POC1A: variants seen among roughly 807,000 people sequenced by gnomAD.
POC1A encodes POC1 centriolar protein homolog A.
In POC1A, 34 loss-of-function variants were observed where a neutral mutation model predicts 47.8. The ratio of observed to expected loss-of-function variants is 0.71; its 90% CI spans 0.54 to 0.95. The LOEUF is 0.95. Among genes scored for constraint, POC1A ranks in the 40% least tolerant of loss-of-function variants. The probability of loss-of-function intolerance (pLI) is 0.00; values close to 1 mark genes in which losing one functional copy is unlikely to be tolerated. For synonymous variants in POC1A, 177 were observed against 207.6 expected (o/e 0.85, Z 1.27); for missense variants, 466 against 528.3 (o/e 0.88, Z 1.16).
At position 52,096,580 on chromosome 3, in the gene POC1A, C is replaced by T. The variant is rs1349654392; in HGVS notation, c.1114G>A (p.Val372Ile). The change falls in exon 10 of 11, where the codon GTC becomes ATC. Residue 372 changes from valine (V) to isoleucine (I), a missense_variant. Coordinates refer to ENST00000296484, the MANE Select transcript of POC1A (RefSeq NM_015426.5). ...TLEHIVGQLDVLTQTVSILEQ... is the reference protein window; with the variant it reads ...TLEHIVGQLDILTQTVSILEQ... ...ACAGTGTGGCCTACCTGAGTGAGGA[C>T]ATCCAGCTGGCCCACAATGTGCTCC... 2 of 1,581,548 alleles carry T rather than the reference C, an allele frequency of 1.3e-6. No homozygotes were observed. Among genetic ancestry groups the T allele is most frequent in the Non-Finnish European group, 1.7e-6 (2 of 1,166,064 alleles).
intron 9 of POC1A, among the ~76,000 whole-genome samples, chr3:52,108,390 C>A (rs931328410): frequency 6.6e-6 from 1 of 152,190 alleles, no homozygotes; most frequent in African/African-American, 2.4e-5. Flanking sequence ...TGGGAGACGC[C>A]ACAGCTCTCA....
intron 9 of POC1A, among the ~76,000 whole-genome samples, chr3:52,110,626 C>A (rs1703347868): frequency 1.3e-5 from 2 of 152,242 alleles, no homozygotes; most frequent in South Asian, 4.1e-4. Context: ...CCTCTGTGGG[C>A]TCTCCTGTGG....
At chr3:52,130,613 C>G (rs1261622417) in intron 7 of POC1A, among the ~76,000 whole-genome samples, 1 of 152,216 alleles carries the variant, frequency 6.6e-6, no homozygotes, top group Non-Finnish European at 1.5e-5. Context: ...GTCCTCTCAC[C>G]TCTCACAGGA....
chr3:52,146,840 C>T (rs914575589), intron 5 of POC1A, 148 bp downstream of exon 5: 2 of 657,986 alleles, frequency 3.0e-6, no homozygotes, highest in African/African-American at 1.8e-5. Context: ...GTTGCCAGAC[C>T]TCGCAAAAAG....
Position 52,084,515 on chromosome 3 carries a change from C to T in POC1A, c.1126-8530G>A, listed in dbSNP as rs1045585921. On this transcript the variant is annotated intron_variant, in intron 10 of 10. Coordinates refer to ENST00000296484, the MANE Select transcript of POC1A (RefSeq NM_015426.5). This position sits in a 1 kb window ranked among gnomAD's most constrained non-coding sequence, Gnocchi z 4.3. ...CCGAGCACTGACACAGCTGCAGCAC[C>T]GGTCCTGTCTAGGCTGCGAGGAAAG... Among the ~76,000 whole-genome samples, 8 of 152,200 alleles carry T rather than the reference C, an allele frequency of 5.3e-5. No homozygotes were observed.
chr3:52,148,079 C>CCGGCAA (rs1306433887), intron 4 of POC1A, among the ~76,000 whole-genome samples: 1 of 152,258 alleles, frequency 6.6e-6, no homozygotes, highest in Non-Finnish European at 1.5e-5. Flanking sequence ...CGACTGCCTG[C>CCGGCAA]CGGCAACATT....
At chr3:52,113,834 A>G (rs59890038) in intron 9 of POC1A, among the ~76,000 whole-genome samples, 20,028 of 152,246 alleles carry the variant, frequency 0.13, 1,982 homozygotes, top group African/African-American at 0.27. Context: ...CTTTCCACGA[A>G]TTCTATTGAG....
intron 7 of POC1A, among the ~76,000 whole-genome samples, chr3:52,134,269 G>A (rs532483988): frequency 2.0e-5 from 3 of 152,302 alleles, no homozygotes; most frequent in South Asian, 2.1e-4. Flanking sequence ...CCACTGAACT[G>A]TACATTTAAA....
intron 9 of POC1A, among the ~76,000 whole-genome samples, chr3:52,104,042 C>T (rs1321261389): frequency 2.0e-5 from 3 of 152,130 alleles, no homozygotes; most frequent in South Asian, 2.1e-4. Flanking sequence ...TGTACATGAA[C>T]GTTCATGGCA....
At chr3:52,140,766 G>A (rs778573921) in intron 6 of POC1A, among the ~76,000 whole-genome samples, 2 of 152,138 alleles carry the variant, frequency 1.3e-5, no homozygotes, top group African/African-American at 2.4e-5. Flanking sequence ...CCTACTGGCC[G>A]CACCAGCCTC....
intron 7 of POC1A, among the ~76,000 whole-genome samples, chr3:52,125,904 G>A (rs547531308): frequency 2.0e-5 from 3 of 152,284 alleles, no homozygotes; most frequent in South Asian, 4.1e-4. Context: ...AGTCCAGGGC[G>A]GGGGAGATGG....
intron 9 of POC1A, among the ~76,000 whole-genome samples, chr3:52,119,135 A>G (rs1051900303): frequency 5.9e-5 from 9 of 152,062 alleles, no homozygotes; most frequent in Non-Finnish European, 1.2e-4. Flanking sequence ...TGGAAGCCCA[A>G]ATCTGGCCCA....
intron 9 of POC1A, among the ~76,000 whole-genome samples, chr3:52,098,620 C>T (rs905213140): frequency 6.6e-6 from 1 of 152,190 alleles, no homozygotes; most frequent in Non-Finnish European, 1.5e-5. Context: ...TGGGCTGTCT[C>T]CATTTGACAA....
chr3:52,103,625 G>A (rs1234670638), intron 9 of POC1A, among the ~76,000 whole-genome samples: 1 of 152,116 alleles, frequency 6.6e-6, no homozygotes, highest in Admixed American at 6.5e-5. Flanking sequence ...CTTGGGTTGG[G>A]TATATTCCTT....
At chr3:52,138,615 G>A (rs1698069435) in intron 6 of POC1A, among the ~76,000 whole-genome samples, 1 of 152,340 alleles carries the variant, frequency 6.6e-6, no homozygotes, top group African/African-American at 2.4e-5. Flanking sequence ...GGTCAAGCTG[G>A]AGCAGAATAG....
At chr3:52,128,530 T>C (rs1451989499) in intron 7 of POC1A, among the ~76,000 whole-genome samples, 1 of 152,178 alleles carries the variant, frequency 6.6e-6, no homozygotes, top group East Asian at 1.9e-4. Context: ...AAGGCTCCTG[T>C]TCTTCTGCCT....
intron 6 of POC1A, among the ~76,000 whole-genome samples, chr3:52,142,980 C>G (rs1698248168): frequency 6.6e-6 from 1 of 152,108 alleles, no homozygotes; most frequent in African/African-American, 2.4e-5. Flanking sequence ...TGGCTCACTG[C>G]ACCCCTAAGG....
chr3:52,076,006 G>A (rs575124155), intron 10 of POC1A, 21 bp from the exon 11 acceptor site: 1 of 1,594,282 alleles, frequency 6.3e-7, no homozygotes, highest in East Asian at 2.2e-5. Flanking sequence ...AACAGTGGTT[G>A]GGTCAGAACA....
At chr3:52,118,127 C>A (rs1703640824) in intron 9 of POC1A, among the ~76,000 whole-genome samples, 1 of 152,206 alleles carries the variant, frequency 6.6e-6, no homozygotes, top group African/African-American at 2.4e-5. Flanking sequence ...CCTCAAGCCC[C>A]TCTGGGAGGT....
Sources: gnomAD v4.1 joint callset for allele counts (sites outside exome capture counted in the v4.1 genomes callset) on GRCh38, gnomAD v4.1.1 for gene constraint, Gnocchi (gnomAD v3.1) non-coding constraint, MANE v1.5 for transcripts, NCBI Gene and HGNC (gene_info 2026-07-23, HGNC 2026-07-21) for gene names.